Variants in MYO3A observed in about 807,000 individuals in gnomAD.
MYO3A encodes myosin-IIIa.
Under a neutral mutation model 192.7 loss-of-function variants are expected in MYO3A, and 180 were observed. The ratio of observed to expected loss-of-function variants is 0.93; its 90% CI spans 0.83 to 1.06. The LOEUF (loss-of-function observed/expected upper bound fraction) is 1.06. Ranked by LOEUF, MYO3A falls within the 50% of genes least tolerant of loss-of-function variation. The probability of loss-of-function intolerance (pLI) is 0.00; values close to 1 mark genes in which losing one functional copy is unlikely to be tolerated. For synonymous variants in MYO3A, 628 were observed against 645.3 expected (o/e 0.97, Z 0.41); for missense variants, 1,896 against 1,905.0 (o/e 1.00, Z 0.09).
chr10:25,976,721 T>C lies in MYO3A; in HGVS notation c.304-19769T>C, dbSNP rs565806390. 1.6e-3 allele frequency among the ~76,000 whole-genome samples: 250 copies of C among 152,190 alleles called. 1 individual carries two copies. The highest frequency in any genetic ancestry group is 6.0e-3 in the African/African-American group (247 of 41,490). On this transcript the variant is annotated intron_variant, in intron 4 of 34. Coordinates refer to ENST00000642920, the MANE Select transcript of MYO3A (RefSeq NM_017433.5). ...AGGAAAATTATACTTCAATTTTGTT[T>C]GATTAAAGAACACTAAGGTCTATTT...
intron 31 of MYO3A, among the ~76,000 whole-genome samples, chr10:26,185,369 T>C (rs1842815665): frequency 7.0e-6 from 1 of 143,070 alleles, no homozygotes; most frequent in Non-Finnish European, 1.5e-5. Flanking sequence ...AGATGGAGTC[T>C]TGCTCTGGTA....
intron 2 of MYO3A, among the ~76,000 whole-genome samples, chr10:25,946,862 A>G (rs1270519609): frequency 8.3e-6 from 1 of 121,132 alleles, no homozygotes; most frequent in Non-Finnish European, 1.6e-5. Flanking sequence ...TGGGTGACAG[A>G]GTGAGACTCC....
chr10:26,008,236 G>C (rs1189601843), intron 6 of MYO3A, among the ~76,000 whole-genome samples: 4 of 147,740 alleles, frequency 2.7e-5, no homozygotes, highest in Non-Finnish European at 3.0e-5. Flanking sequence ...ATTAATTCAA[G>C]ATGGATTAAA....
At chr10:26,032,722 G>A (rs980063084) in intron 10 of MYO3A, among the ~76,000 whole-genome samples, 1 of 151,928 alleles carries the variant, frequency 6.6e-6, no homozygotes, top group Non-Finnish European at 1.5e-5. Context: ...GCTCAAATAG[G>A]ATTTTGATTT....
intron 26 of MYO3A, among the ~76,000 whole-genome samples, chr10:26,160,786 T>C (rs2131960149): frequency 6.6e-6 from 1 of 152,118 alleles, no homozygotes; most frequent in African/African-American, 2.4e-5. Context: ...TTGGATTGGG[T>C]TGGTAGAGTG....
chr10:26,026,449 T>G lies in MYO3A; in HGVS notation c.870T>G (p.Ile290Met). 1 of 1,614,136 alleles carries G rather than the reference T, an allele frequency of 6.2e-7. No individual in the cohort carries two copies. Among genetic ancestry groups the G allele is most frequent in the South Asian group, 1.1e-5 (1 of 91,090 alleles). ...ELLQHKFITQ[I>M]EGKDVMLQKQ... ...TACAGCATAAATTCATTACTCAAAT[T>G]GAGGGCAAAGATGTGATGCTACAAA... The change falls in exon 10 of 35, where the codon ATT becomes ATG. Residue 290 changes from isoleucine (I) to methionine (M), a missense_variant. Coordinates refer to ENST00000642920, the MANE Select transcript of MYO3A (RefSeq NM_017433.5).
At chr10:26,089,885 G>A (rs894385383) in intron 15 of MYO3A, among the ~76,000 whole-genome samples, 2 of 152,162 alleles carry the variant, frequency 1.3e-5, no homozygotes, top group Admixed American at 1.3e-4. Flanking sequence ...AACCCCATAA[G>A]TTTAAGCCAT....
intron 4 of MYO3A, among the ~76,000 whole-genome samples, chr10:25,990,663 C>A (rs984446959): frequency 1.9e-5 from 2 of 108,030 alleles, no homozygotes; most frequent in African/African-American, 3.7e-5. Context: ...CCTCCCCCCT[C>A]CCCCCACCCC....
intron 4 of MYO3A, among the ~76,000 whole-genome samples, chr10:25,979,928 A>AAAAC (rs1332904880): frequency 3.9e-5 from 6 of 152,184 alleles, no homozygotes; most frequent in African/African-American, 1.4e-4. Flanking sequence ...TCCCCCAGGC[A>AAAAC]AAACAAACAA....
chr10:26,144,040 T>G (rs984887719), intron 21 of MYO3A, among the ~76,000 whole-genome samples: 4 of 152,136 alleles, frequency 2.6e-5, no homozygotes, highest in East Asian at 1.9e-4. Context: ...CTTAATAACC[T>G]CTAAGTTACA....
At chr10:26,062,875 G>T (rs1434197596) in intron 10 of MYO3A, among the ~76,000 whole-genome samples, 1 of 128,766 alleles carries the variant, frequency 7.8e-6, no homozygotes, top group Non-Finnish European at 1.8e-5. Context: ...GTGTGTATGG[G>T]GGTGAGGGAA....
chr10:26,117,880 A>G (rs183949843), intron 17 of MYO3A, among the ~76,000 whole-genome samples: 51 of 152,284 alleles, frequency 3.3e-4, no homozygotes, highest in Non-Finnish European at 5.7e-4. Context: ...GCTGGGTCAG[A>G]TAGTATTTCT....
chr10:25,939,166 AT>A (rs1836309926), intron 2 of MYO3A, among the ~76,000 whole-genome samples: 1 of 152,010 alleles, frequency 6.6e-6, no homozygotes, highest in African/African-American at 2.4e-5. Context: ...AGATTTATTA[AT>A]ATAAAATTAT....
At chr10:26,057,748 C>T (rs1834200756) in intron 10 of MYO3A, among the ~76,000 whole-genome samples, 1 of 152,070 alleles carries the variant, frequency 6.6e-6, no homozygotes, top group African/African-American at 2.4e-5. Flanking sequence ...TAGTCAGTGC[C>T]CTGGAAGCAA....
intron 6 of MYO3A, among the ~76,000 whole-genome samples, chr10:26,008,893 A>C (rs1841421624): frequency 6.6e-6 from 1 of 151,716 alleles, no homozygotes; most frequent in Admixed American, 6.6e-5. Context: ...TACCCAAAGG[A>C]CTCTAAATCA....
chr10:25,988,939 C>CT (rs56308717), intron 4 of MYO3A, among the ~76,000 whole-genome samples: 23,581 of 116,890 alleles, frequency 0.2, 2,923 homozygotes, highest in African/African-American at 0.36. Flanking sequence ...CCCTAAAACT[C>CT]TTTTTTTTTT....
In MYO3A at chr10:26,033,865, A is replaced by G. The variant is rs1228877823; in HGVS notation, c.953+7333A>G. Among the ~76,000 whole-genome samples, 3 of 152,194 alleles carry G rather than the reference A, an allele frequency of 2.0e-5. No homozygotes were observed. The East Asian group carries it at 5.8e-4, about 29-fold the overall frequency. ...CAAGATGAACGTTATAGCAGGAGAA[A>G]CAGCCTGAGCAAAATCATAAAATCA... On this transcript the variant is annotated intron_variant, in intron 10 of 34. Coordinates refer to ENST00000642920, the MANE Select transcript of MYO3A (RefSeq NM_017433.5).
At chr10:26,111,262 T>G (rs1838160505) in intron 17 of MYO3A, among the ~76,000 whole-genome samples, 1 of 152,164 alleles carries the variant, frequency 6.6e-6, no homozygotes, top group Non-Finnish European at 1.5e-5. Context: ...TCAGCCATAT[T>G]CCAGGTGATA....
At chr10:26,181,421 G>C (rs894419917) in intron 31 of MYO3A, among the ~76,000 whole-genome samples, 1 of 152,098 alleles carries the variant, frequency 6.6e-6, no homozygotes, top group Non-Finnish European at 1.5e-5. Flanking sequence ...ATGATTAAAA[G>C]TTAAAGAGCT....
Sources: gnomAD v4.1 joint callset for allele counts (sites outside exome capture counted in the v4.1 genomes callset) on GRCh38, gnomAD v4.1.1 for gene constraint, MANE v1.5 for transcripts, NCBI Gene and HGNC (gene_info 2026-07-23, HGNC 2026-07-21) for gene names.